METRNL: variants seen among roughly 807,000 people sequenced by gnomAD.
The protein encoded by METRNL is meteorin-like protein.
Under a neutral mutation model 17.4 loss-of-function variants are expected in METRNL, and 9 were observed. That is an observed-to-expected ratio of 0.52 (90% CI 0.31 to 0.90). The LOEUF is 0.90. Ranked by LOEUF, METRNL falls within the 40% of genes least tolerant of loss-of-function variation. The pLI is 0.05. For synonymous variants in METRNL, 215 were observed against 199.3 expected (o/e 1.08, Z -0.66); for missense variants, 408 against 430.7 (o/e 0.95, Z 0.47).
intron 1 of METRNL, among the ~76,000 whole-genome samples, chr17:83,080,701 C>CAGGGCGCCG (rs1164312765): frequency 6.7e-6 from 1 of 149,642 alleles, no homozygotes; most frequent in African/African-American, 2.4e-5. Flanking sequence ...ACGCGAAGCC[C>CAGGGCGCCG]AGGGCGCCGA....
chr17:83,089,053 A>G (rs1420586986), intron 2 of METRNL, among the ~76,000 whole-genome samples: 4 of 148,698 alleles, frequency 2.7e-5, no homozygotes, highest in Non-Finnish European at 5.9e-5. Context: ...GGGAGGGAGA[A>G]AGGGAGGCAG....
intron 2 of METRNL, among the ~76,000 whole-genome samples, chr17:83,091,910 T>TA (rs2038141996): frequency 6.6e-6 from 1 of 152,190 alleles, no homozygotes; most frequent in South Asian, 2.1e-4. Flanking sequence ...GAGCAAATAA[T>TA]AAAACCATGT....
chr17:83,091,684 G>T (rs2038139041), intron 2 of METRNL, among the ~76,000 whole-genome samples: 1 of 152,232 alleles, frequency 6.6e-6, no homozygotes, highest in South Asian at 2.1e-4. Context: ...CCGGCCAGGG[G>T]TGCAGACGGC....
Position 83,085,277 on chromosome 17 carries a change from C to T in METRNL, c.510C>T (p.Tyr170=), listed in dbSNP as rs141838047. ...GCCGGAGGACCACAGGCTTCCAGTACGAGCTGGTTAGGAGGCACAGGGCGT... is the reference window on the plus strand; with the variant it reads ...GCCGGAGGACCACAGGCTTCCAGTATGAGCTGGTTAGGAGGCACAGGGCGT... ...DIGRRTTGFQ[Y]ELVRRHRASD... The change falls in exon 2 of 4, where the codon TAC becomes TAT. Residue 170 remains tyrosine (Y), a synonymous_variant. Coordinates refer to ENST00000320095, the MANE Select transcript of METRNL (RefSeq NM_001004431.3). 160 of 1,554,934 alleles carry T rather than the reference C, an allele frequency of 1.0e-4. No individual in the cohort carries two copies. Among genetic ancestry groups the T allele is most frequent in the African/African-American group, 9.0e-4 (66 of 73,392 alleles).
chr17:83,087,678 C>G (rs1208172842), intron 2 of METRNL, among the ~76,000 whole-genome samples: 1 of 152,206 alleles, frequency 6.6e-6, no homozygotes, highest in South Asian at 2.1e-4. Context: ...CTCCCCAGCA[C>G]TCTCCGGCCA....
intron 2 of METRNL, among the ~76,000 whole-genome samples, chr17:83,092,194 A>G (rs1395694121): frequency 6.6e-6 from 1 of 152,186 alleles, no homozygotes; most frequent in Non-Finnish European, 1.5e-5. Context: ...CATTTGGGGC[A>G]TGCACCTCAT....
intron 2 of METRNL, among the ~76,000 whole-genome samples, chr17:83,089,450 C>G (rs571332981): frequency 3.9e-5 from 6 of 152,108 alleles, no homozygotes; most frequent in Admixed American, 2.6e-4. Flanking sequence ...AGCCTCTCCT[C>G]GGAACCAGCC....
rs1260617376 is a variant in METRNL, at chr17:83,094,789, A to G, written c.*214A>G. ...CCTGGCCGATTGGAAATGCTGTAAA[A>G]TGCAAACTAAGTTATTATATTTTTT... On this transcript the variant is annotated 3_prime_UTR_variant, in exon 4 of 4. Coordinates refer to ENST00000320095, the MANE Select transcript of METRNL (RefSeq NM_001004431.3). 2 of 400,848 alleles carry G rather than the reference A, an allele frequency of 5.0e-6. No individual in the cohort carries two copies. Among genetic ancestry groups the G allele is most frequent in the Non-Finnish European group, 8.8e-6 (2 of 228,558 alleles). The allele number at this position is 400,848 out of a possible 1,614,324, so 24.8% of individuals were successfully genotyped here.
intron 1 of METRNL, among the ~76,000 whole-genome samples, chr17:83,080,601 CTTT>C (rs563834169): frequency 1.3e-4 from 7 of 52,148 alleles, no homozygotes; most frequent in South Asian, 8.5e-4. Context: ...CGGCCGAGGA[CTTT>C]TTTTTTTTTT....
rs202156929 is a variant in METRNL, at chr17:83,085,350, G to A, written c.556+27G>A. ...TGAGTGTCCTGCCTGGGGCGGGGGCGGCGGGCCTCGTCATCACGGGGCTGG... is the reference window on the plus strand; with the variant it reads ...TGAGTGTCCTGCCTGGGGCGGGGGCAGCGGGCCTCGTCATCACGGGGCTGG... On this transcript the variant is annotated intron_variant, in intron 2 of 3. Coordinates refer to ENST00000320095, the MANE Select transcript of METRNL (RefSeq NM_001004431.3). 7.3e-5 allele frequency: 111 copies of A among 1,511,472 alleles called. No homozygotes were observed. In the East Asian group the frequency reaches 1.0e-3, roughly 14 times the overall value. 93.6% of individuals were successfully genotyped at this position (1,511,472 alleles called of 1,614,324 possible). A position where few individuals can be genotyped will look rare whatever the true frequency, so the allele number is the denominator to read the frequency against.
chr17:83,092,287 G>A (rs1362531385), intron 2 of METRNL: 2 of 152,312 alleles, frequency 1.3e-5, no homozygotes, highest in Non-Finnish European at 2.9e-5. Flanking sequence ...GAGGCCCCAC[G>A]CCGGTGGCAG....
At chr17:83,084,750 C>G (rs747128498) in intron 1 of METRNL, 188 bp from the exon 2 acceptor site, 28 of 675,164 alleles carry the variant, frequency 4.1e-5, no homozygotes, top group Middle Eastern at 4.0e-4. Context: ...GGCCCTTGTG[C>G]CGAAGGGCGG....
intron 2 of METRNL, among the ~76,000 whole-genome samples, chr17:83,088,164 C>G (rs546913465): frequency 2.4e-4 from 37 of 152,340 alleles, no homozygotes; most frequent in African/African-American, 8.7e-4. Context: ...CAGGACCTCT[C>G]AGCCCTGCAC....
chr17:83,085,362 C>G, intron 2 of METRNL, 39 bp downstream of exon 2: 1 of 1,510,136 alleles, frequency 6.6e-7, no homozygotes, highest in Admixed American at 2.3e-5. Context: ...CGGGCCTCGT[C>G]ATCACGGGGC....
chr17:83,084,301 C>T (rs1306390893), intron 1 of METRNL: 3 of 152,406 alleles, frequency 2.0e-5, no homozygotes, highest in African/African-American at 4.8e-5. Flanking sequence ...CAAAACTCAT[C>T]TACAACCTCC....
chr17:83,083,556 G>C (rs2038014529), intron 1 of METRNL, among the ~76,000 whole-genome samples: 1 of 152,224 alleles, frequency 6.6e-6, no homozygotes, highest in Admixed American at 6.5e-5. Context: ...TTTATGGGCT[G>C]TAATTTGTGA....
At position 83,094,246 on chromosome 17, in the gene METRNL, C is replaced by T. The variant is rs753832395; in HGVS notation, c.617-10C>T. 5.0e-5 allele frequency: 78 copies of T among 1,553,112 alleles called. No individual in the cohort carries two copies. The highest frequency in any genetic ancestry group is 6.2e-5 in the Non-Finnish European group (71 of 1,141,440). On this transcript the variant is annotated splice_polypyrimidine_tract_variant and intron_variant, in intron 3 of 3. Coordinates refer to ENST00000320095, the MANE Select transcript of METRNL (RefSeq NM_001004431.3). ...GCTCACTCCCTGTCCCCATCTCCTT[C>T]CCCGCACAGCCGTTCGAGGCTCCAT...
intron 2 of METRNL, among the ~76,000 whole-genome samples, chr17:83,087,547 T>TA (rs2038066079): frequency 6.6e-6 from 1 of 152,152 alleles, no homozygotes; most frequent in Non-Finnish European, 1.5e-5. Context: ...CCCCAGGGTA[T>TA]TCGCCTTTCA....
At chr17:83,081,683 G>A (rs1039536556) in intron 1 of METRNL, among the ~76,000 whole-genome samples, 5 of 151,438 alleles carry the variant, frequency 3.3e-5, no homozygotes, top group Non-Finnish European at 5.9e-5. Context: ...CACACACAGG[G>A]GACCCCCCCC....
Sources: gnomAD v4.1 joint callset for allele counts (sites outside exome capture counted in the v4.1 genomes callset) on GRCh38, gnomAD v4.1.1 for gene constraint, MANE v1.5 for transcripts, NCBI Gene and HGNC (gene_info 2026-07-23, HGNC 2026-07-21) for gene names.